The following PODXL2 variants were observed in gnomAD, a reference collection of about 807,000 sequenced individuals.
The protein encoded by PODXL2 is podocalyxin-like protein 2.
PODXL2 carries 17 observed loss-of-function variants against 53.4 expected under a neutral mutation model. The ratio of observed to expected loss-of-function variants is 0.32; its 90% confidence interval spans 0.22 to 0.48. PODXL2 has a LOEUF of 0.48. PODXL2 is among the 20% of genes least tolerant of loss of function. The pLI, the probability that PODXL2 is intolerant of heterozygous loss-of-function variation, is 0.99. For missense variants in PODXL2, 673 were observed against 760.0 expected (o/e 0.89, Z 1.35); for synonymous variants, 311 against 306.7 (o/e 1.01, Z -0.15).
Position 127,665,752 on chromosome 3 carries a change from C to T in PODXL2, c.1207-2689C>T, listed in dbSNP as rs147048641. ...GATCATCAAGATCTGGATAAAGAAG[C>T]AGCGTTGACACAGTGATGAGGCGCC... is the stretch of plus-strand genomic sequence containing the variant. On this transcript the variant is annotated intron_variant, in intron 4 of 7. Transcript: ENST00000342480. Among the ~76,000 whole-genome samples, 362 of 152,330 alleles carry T rather than the reference C, an allele frequency of 2.4e-3. 2 individuals are homozygous for T. The highest frequency in any genetic ancestry group is 8.3e-3 in the African/African-American group (345 of 41,570).
At chr3:127,663,994 T>G (rs2074781951) in intron 4 of PODXL2, among the ~76,000 whole-genome samples, 1 of 152,222 alleles carries the variant, frequency 6.6e-6, no homozygotes, top group Admixed American at 6.5e-5. Context: ...AGATTTTTTT[T>G]ATTGTAGTAA....
intron 4 of PODXL2, among the ~76,000 whole-genome samples, chr3:127,662,891 A>C (rs2074776174): frequency 6.6e-6 from 1 of 152,222 alleles, no homozygotes; most frequent in East Asian, 1.9e-4. Context: ...TTCTGTTCGA[A>C]GTATAACAAG....
At chr3:127,635,195 G>A (rs771892853) in intron 1 of PODXL2, among the ~76,000 whole-genome samples, 4 of 152,198 alleles carry the variant, frequency 2.6e-5, no homozygotes, top group Non-Finnish European at 4.4e-5. Flanking sequence ...AGCACAGTTA[G>A]TACAGTGCCA....
intron 1 of PODXL2, among the ~76,000 whole-genome samples, chr3:127,631,162 G>A (rs550882627): frequency 1.3e-5 from 2 of 152,334 alleles, no homozygotes; most frequent in East Asian, 1.9e-4. Flanking sequence ...TGGAGGTAGC[G>A]TGACTGTGCT....
rs763466818 is a variant in PODXL2 at position 127,639,400 on chromosome 3, G to C, written c.226G>C (p.Ala76Pro). 1.8e-5 allele frequency: 29 copies of C among 1,614,134 alleles called. No homozygotes were observed. The highest frequency in any genetic ancestry group is 2.4e-5 in the Non-Finnish European group (28 of 1,180,044). ...CATGGGCCTGGGAGCTGGGCTGGGAGCCCCTGGCTCAGGCTTCCCCAGCGA... is the reference window on the plus strand; with the variant it reads ...CATGGGCCTGGGAGCTGGGCTGGGACCCCCTGGCTCAGGCTTCCCCAGCGA... ...ETMGLGAGLGAPGSGFPSEEN... is the reference protein window; with the variant it reads ...ETMGLGAGLGPPGSGFPSEEN... Residue 76 changes from alanine (A) to proline (P), a missense_variant, in exon 2 of 8, where the codon GCC becomes CCC. Physicochemically the swap from Ala to Pro is conservative, Grantham distance 27 (BLOSUM62 -1). Transcript: ENST00000342480.
Position 127,672,560 on chromosome 3 carries a change from C to T in PODXL2, c.*80C>T, listed in dbSNP as rs1378733494. ...GAAACGGACGGCCCGGAGCCCGCACCAGCCCCGCGCCTACCCGGGCCGCCC... is the reference window on the plus strand; with the variant it reads ...GAAACGGACGGCCCGGAGCCCGCACTAGCCCCGCGCCTACCCGGGCCGCCC... On this transcript the variant is annotated 3_prime_UTR_variant, in exon 8 of 8. Coordinates refer to ENST00000342480, the MANE Select transcript of PODXL2 (RefSeq NM_015720.4). 2 of 946,404 alleles carry T rather than the reference C, an allele frequency of 2.1e-6. No homozygotes were observed. Among genetic ancestry groups the T allele is most frequent in the Non-Finnish European group, 1.5e-6 (1 of 683,442 alleles). 58.6% of individuals were successfully genotyped at this position (946,404 alleles called of 1,614,324 possible). A position where few individuals can be genotyped will look rare whatever the true frequency, so the allele number is the denominator to read the frequency against.
chr3:127,656,405 C>T (rs2074723429), intron 2 of PODXL2, among the ~76,000 whole-genome samples: 1 of 151,024 alleles, frequency 6.6e-6, no homozygotes, highest in Non-Finnish European at 1.5e-5. Flanking sequence ...GCCTGGGCAA[C>T]ACAGGGAGAC....
At chr3:127,638,496 C>G (rs1352656841) in intron 1 of PODXL2, among the ~76,000 whole-genome samples, 1 of 152,222 alleles carries the variant, frequency 6.6e-6, no homozygotes, top group African/African-American at 2.4e-5. Flanking sequence ...GGGCAGATCA[C>G]TTGAGGTCAC....
At chr3:127,650,229 G>T (rs80234108) in intron 2 of PODXL2, among the ~76,000 whole-genome samples, 1 of 152,186 alleles carries the variant, frequency 6.6e-6, no homozygotes, top group African/African-American at 2.4e-5. Flanking sequence ...GATTATGGCT[G>T]CCCTGAGAGA....
At position 127,672,660 on chromosome 3, in the gene PODXL2, C is replaced by G. The variant is rs912229509; in HGVS notation, c.*180C>G. On this transcript the variant is annotated 3_prime_UTR_variant, in exon 8 of 8. Transcript: ENST00000342480. ...CACGGCGGCTTCGGACCAACTCCCT[C>G]ACTCCCGCCCGAGGGGCAGGCCTCA... is the stretch of plus-strand genomic sequence containing the variant. 1 of 480,488 alleles carries G rather than the reference C, an allele frequency of 2.1e-6. No homozygotes were observed. Among genetic ancestry groups the G allele is most frequent in the East Asian group, 3.6e-5 (1 of 27,614 alleles). The allele number at this position is 480,488 out of a possible 1,614,324, so 29.8% of individuals were successfully genotyped here.
At chr3:127,653,429 G>A (rs564546492) in intron 2 of PODXL2, among the ~76,000 whole-genome samples, 4 of 152,170 alleles carry the variant, frequency 2.6e-5, no homozygotes, top group South Asian at 2.1e-4. Context: ...GGCAGATCAC[G>A]AGGTCAAGAG....
intron 1 of PODXL2, among the ~76,000 whole-genome samples, chr3:127,635,975 T>C (rs2074576124): frequency 1.3e-5 from 2 of 152,218 alleles, no homozygotes; most frequent in Non-Finnish European, 2.9e-5. Context: ...CTGCATGGGC[T>C]CCTGTTTTCC....
At chr3:127,638,968 C>T (rs2074596196) in intron 1 of PODXL2, among the ~76,000 whole-genome samples, 1 of 152,200 alleles carries the variant, frequency 6.6e-6, no homozygotes, top group Non-Finnish European at 1.5e-5. Flanking sequence ...TGAGTGACCA[C>T]ATGCGCAGTG....
At chr3:127,664,349 C>T (rs1192881182) in intron 4 of PODXL2, among the ~76,000 whole-genome samples, 1 of 150,722 alleles carries the variant, frequency 6.6e-6, no homozygotes, top group Non-Finnish European at 1.5e-5. Flanking sequence ...TTTTTTAAGG[C>T]TGAAAAATAT....
chr3:127,650,065 TGA>T (rs1160964692), intron 2 of PODXL2, among the ~76,000 whole-genome samples: 1 of 152,210 alleles, frequency 6.6e-6, no homozygotes. Context: ...AGAGTTGTAG[TGA>T]GGGGACAATT....
At chr3:127,632,697 G>C (rs973531712) in intron 1 of PODXL2, among the ~76,000 whole-genome samples, 1 of 152,150 alleles carries the variant, frequency 6.6e-6, no homozygotes, top group African/African-American at 2.4e-5. Context: ...TGCTACATCG[G>C]CTCATATCCC....
In PODXL2 at chr3:127,653,986, T is replaced by C. The variant is rs573579662; in HGVS notation, c.350-6392T>C. Among the ~76,000 whole-genome samples, 8 of 152,326 alleles carry C rather than the reference T, an allele frequency of 5.3e-5. No homozygotes were observed. In the East Asian group the frequency reaches 1.5e-3, roughly 29 times the overall value. On this transcript the variant is annotated intron_variant, in intron 2 of 7. Coordinates refer to ENST00000342480, the MANE Select transcript of PODXL2 (RefSeq NM_015720.4). ...CAGCAGGATGATCAAAATCAGGAAA[T>C]TAACACTGATACAATATGCTTCTGT...
chr3:127,671,293 G>A (rs1354344408), intron 6 of PODXL2, 141 bp from the exon 7 acceptor site: 10 of 722,242 alleles, frequency 1.4e-5, no homozygotes, highest in South Asian at 3.5e-5. Context: ...AAGCCCAGGC[G>A]CCAGGGAACT....
intron 1 of PODXL2, 84 bp from the exon 2 acceptor site, chr3:127,639,161 G>T (rs1415766683): frequency 2.2e-6 from 3 of 1,382,208 alleles, no homozygotes; most frequent in Non-Finnish European, 2.9e-6. Flanking sequence ...CAGGACCTTT[G>T]TCATTTGAGA....
Sources: allele counts gnomAD v4.1 joint callset (sites outside exome capture counted in the v4.1 genomes callset), GRCh38; gene constraint gnomAD v4.1.1; transcripts MANE v1.5; gene names NCBI Gene and HGNC (gene_info 2026-07-23, HGNC 2026-07-21).